NAALADL2: variants seen among roughly 807,000 people sequenced by gnomAD.
NAALADL2 encodes N-acetylated alpha-linked acidic dipeptidase like 2.
NAALADL2 carries 76 observed loss-of-function variants against 87.2 expected under a neutral mutation model. The observed-to-expected ratio is 0.87, with a 90% CI of 0.72 to 1.05. The LOEUF (loss-of-function observed/expected upper bound fraction) is 1.05, where lower values mean the gene tolerates loss of function less well. Ranked by LOEUF, NAALADL2 falls within the 50% of genes least tolerant of loss-of-function variation. The pLI is 0.00. For missense variants in NAALADL2, 1,089 were observed against 945.8 expected, an observed-to-expected ratio of 1.15 and a Z score of -1.99; for synonymous variants, 354 against 331.0, an observed-to-expected ratio of 1.07 and a Z score of -0.75.
At chr3:175,151,992 A>T (rs1303254757) in intron 2 of NAALADL2, among the ~76,000 whole-genome samples, 2 of 152,270 alleles carry the variant, frequency 1.3e-5, no homozygotes, top group East Asian at 3.9e-4. Flanking sequence ...CTTTTTTGCT[A>T]TTTAACAGAT....
intron 3 of NAALADL2, among the ~76,000 whole-genome samples, chr3:174,841,362 C>T (rs1442231876): frequency 2.0e-5 from 3 of 152,186 alleles, no homozygotes; most frequent in Non-Finnish European, 4.4e-5. Context: ...TCACCTTTTA[C>T]CTCAGCTTCA....
intron 3 of NAALADL2, among the ~76,000 whole-genome samples, chr3:174,738,359 C>A (rs912707153): frequency 1.3e-5 from 2 of 152,152 alleles, no homozygotes; most frequent in African/African-American, 4.8e-5. Context: ...GTATAACCAC[C>A]AACACACTTC....
At chr3:174,829,205 G>A (rs1301353409) in intron 3 of NAALADL2, among the ~76,000 whole-genome samples, 1 of 151,430 alleles carries the variant, frequency 6.6e-6, no homozygotes, top group East Asian at 2.0e-4. Flanking sequence ...ATGCTGGTGC[G>A]CTGCACCCAC....
intron 3 of NAALADL2, among the ~76,000 whole-genome samples, chr3:174,819,400 T>C (rs1043776570): frequency 1.4e-5 from 2 of 145,306 alleles, no homozygotes; most frequent in Admixed American, 7.0e-5. Flanking sequence ...TTCTTTTTTT[T>C]CATTTAAAAT....
intron 1 of NAALADL2, among the ~76,000 whole-genome samples, chr3:174,549,015 A>AT (rs1282492104): frequency 9.9e-5 from 15 of 152,086 alleles, no homozygotes; most frequent in African/African-American, 1.9e-4. Context: ...TAATTTGTGT[A>AT]TTTTTTGTAG....
intron 7 of NAALADL2, among the ~76,000 whole-genome samples, chr3:175,466,140 T>C (rs2149276799): frequency 6.6e-6 from 1 of 152,280 alleles, no homozygotes; most frequent in Middle Eastern, 3.4e-3. Context: ...CAATTTACCA[T>C]CCAGTTGTGG....
At chr3:175,530,528 G>C (rs554412538) in intron 9 of NAALADL2, among the ~76,000 whole-genome samples, 1 of 152,200 alleles carries the variant, frequency 6.6e-6, no homozygotes, top group Non-Finnish European at 1.5e-5. Context: ...GAAAAGGGCT[G>C]TAATGCTGCA....
In NAALADL2 at chr3:175,096,915, G is replaced by A; in HGVS notation, c.169G>A (p.Glu57Lys). The A allele has an allele frequency of 6.2e-7, 1 of 1,613,472 alleles. No individual in the cohort carries two copies. The highest frequency in any genetic ancestry group is 1.1e-5 in the South Asian group (1 of 91,070). The change falls in exon 2 of 14, where the codon GAG becomes AAG. Residue 57 changes from glutamate (E) to lysine (K), a missense_variant. Glu to Lys is a moderately conservative substitution (Grantham distance 56, BLOSUM62 1). Coordinates refer to ENST00000454872, the MANE Select transcript of NAALADL2 (RefSeq NM_207015.3). ...AGAGTGGGACATGGAGAAGGAACTA[G>A]AGGAGTCTGGTTTTGACCAATTCCA... Reference protein sequence around the residue: ...DLEWDMEKELEESGFDQFQLD... With the variant: ...DLEWDMEKELKESGFDQFQLD...
chr3:175,526,688 G>T (rs930069787), intron 9 of NAALADL2, among the ~76,000 whole-genome samples: 1 of 152,074 alleles, frequency 6.6e-6, no homozygotes. Context: ...GAAGCTTAAT[G>T]AAATAGATCT....
At position 174,600,433 on chromosome 3, in the gene NAALADL2, G is replaced by T. The variant is rs556782851; in HGVS notation, c.-115+49796G>T. Among the ~76,000 whole-genome samples the T allele has an allele frequency of 4.6e-5, 7 of 152,020 alleles. No homozygotes were observed. The East Asian group carries it at 1.4e-3, about 29-fold the overall frequency. On this transcript the variant is annotated intron_variant, in intron 2 of 3. Transcript: ENST00000434257. ...ATGTATTTCAATATATGGCTATATGGTTTTCAGATATATATATTGATTCTC... is the reference window on the plus strand; with the variant it reads ...ATGTATTTCAATATATGGCTATATGTTTTTCAGATATATATATTGATTCTC...
chr3:175,213,584 G>A (rs1392739075), intron 2 of NAALADL2, among the ~76,000 whole-genome samples: 2 of 152,084 alleles, frequency 1.3e-5, no homozygotes, highest in Non-Finnish European at 2.9e-5. Context: ...AATCTAGATA[G>A]GTAACTATGC....
intron 1 of NAALADL2, among the ~76,000 whole-genome samples, chr3:174,945,793 A>G (rs1420451362): frequency 6.6e-6 from 1 of 152,152 alleles, no homozygotes; most frequent in Non-Finnish European, 1.5e-5. Flanking sequence ...CACGCCTGTA[A>G]TCCCAGCACT....
intron 2 of NAALADL2, among the ~76,000 whole-genome samples, chr3:175,131,940 G>A (rs1728017268): frequency 8.2e-6 from 1 of 121,614 alleles, no homozygotes; most frequent in Non-Finnish European, 1.7e-5. Context: ...CCCAGTAGGG[G>A]TGGCCGGGCA....
chr3:174,593,077 G>A (rs1209102450), intron 2 of NAALADL2, among the ~76,000 whole-genome samples: 1 of 152,034 alleles, frequency 6.6e-6, no homozygotes, highest in Non-Finnish European at 1.5e-5. Context: ...TGTAATCGAG[G>A]TTTTCAAATT....
intron 1 of NAALADL2, among the ~76,000 whole-genome samples, chr3:175,089,149 C>T (rs1338243385): frequency 6.6e-6 from 1 of 152,136 alleles, no homozygotes. Flanking sequence ...GAAACATAGC[C>T]TGCCAGAGTG....
intron 1 of NAALADL2, among the ~76,000 whole-genome samples, chr3:174,915,390 C>A (rs879300857): frequency 3.3e-5 from 5 of 152,094 alleles, no homozygotes; most frequent in Non-Finnish European, 5.9e-5. Context: ...TGTCAATGAA[C>A]AGAGTTTGAC....
intron 13 of NAALADL2, among the ~76,000 whole-genome samples, chr3:175,764,261 A>C (rs1748394212): frequency 6.6e-6 from 1 of 152,012 alleles, no homozygotes; most frequent in Admixed American, 6.6e-5. Context: ...GACTATAGGG[A>C]CTATCTCAGT....
chr3:174,959,435 T>C (rs567947463), intron 1 of NAALADL2, among the ~76,000 whole-genome samples: 7 of 151,972 alleles, frequency 4.6e-5, no homozygotes, highest in Non-Finnish European at 1.0e-4. Context: ...AAACATACAA[T>C]TGGTGATTGT....
At chr3:174,865,233 C>T (rs1367313423) in intron 1 of NAALADL2, among the ~76,000 whole-genome samples, 1 of 151,892 alleles carries the variant, frequency 6.6e-6, no homozygotes, top group African/African-American at 2.4e-5. Flanking sequence ...CTAAAAAAGT[C>T]GAAAGAGAAA....
Sources: allele counts gnomAD v4.1 joint callset (sites outside exome capture counted in the v4.1 genomes callset), GRCh38; gene constraint gnomAD v4.1.1; transcripts MANE v1.5; gene names NCBI Gene and HGNC (gene_info 2026-07-23, HGNC 2026-07-21).